DACH2: variants seen among roughly 807,000 people sequenced by gnomAD.
DACH2 encodes the protein dachshund homolog 2.
DACH2 carries 17 observed loss-of-function variants against 35.8 expected under a neutral mutation model. That is an observed-to-expected ratio of 0.48 (90% CI 0.33 to 0.71). The LOEUF (loss-of-function observed/expected upper bound fraction) is 0.71, where lower values mean the gene tolerates loss of function less well. Among genes scored for constraint, DACH2 ranks in the 30% least tolerant of loss-of-function variants. The pLI is 0.02. For missense variants in DACH2, 469 were observed against 472.7 expected, an observed-to-expected ratio of 0.99 and a Z score of 0.07; for synonymous variants, 195 against 177.3, an observed-to-expected ratio of 1.10 and a Z score of -0.79.
intron 7 of DACH2, among the ~76,000 whole-genome samples, chrX:86,740,510 C>G (rs1284662047): frequency 6.7e-5 from 5 of 75,030 alleles, no homozygotes; most frequent in Non-Finnish European, 7.5e-5. Context: ...CCCCTCCCCC[C>G]ACCCCACAAC....
At chrX:86,776,351 C>A (rs1424215548) in intron 7 of DACH2, among the ~76,000 whole-genome samples, 1 of 111,492 alleles carries the variant, frequency 9.0e-6, no homozygotes. Context: ...CCAATCTCAT[C>A]TGAAGCTAAT....
chrX:86,190,019 C>T (rs1037420151), intron 1 of DACH2, among the ~76,000 whole-genome samples: 2 of 109,527 alleles, frequency 1.8e-5, no homozygotes, highest in Non-Finnish European at 3.8e-5. Flanking sequence ...CAAAAATTAG[C>T]CAGGCGTGGT....
chrX:86,312,127 C>T (rs756336329), intron 1 of DACH2, among the ~76,000 whole-genome samples: 1 of 112,017 alleles, frequency 8.9e-6, no homozygotes, highest in African/African-American at 3.2e-5. Context: ...AATTATGTAC[C>T]GGCTGCAGAA....
At chrX:86,632,289 T>A (rs2040210316) in intron 3 of DACH2, among the ~76,000 whole-genome samples, 1 of 111,324 alleles carries the variant, frequency 9.0e-6, no homozygotes, top group Admixed American at 9.6e-5. Flanking sequence ...TGTGTGGACT[T>A]TATAACTCTA....
chrX:86,418,847 C>G (rs1413675246), intron 2 of DACH2, among the ~76,000 whole-genome samples: 1 of 111,905 alleles, frequency 8.9e-6, no homozygotes, highest in East Asian at 2.8e-4. Flanking sequence ...CTTCTGTGCT[C>G]TGCTTCCCTT....
chrX:86,506,087 T>C (rs1297200996), intron 2 of DACH2, among the ~76,000 whole-genome samples: 1 of 111,909 alleles, frequency 8.9e-6, no homozygotes, highest in Non-Finnish European at 1.9e-5. Context: ...CTTGCAGTTC[T>C]GTATGTTAGA....
chrX:86,411,020 T>TTATATATATATCTATATATATATATA (rs2036602566), intron 2 of DACH2, among the ~76,000 whole-genome samples: 1 of 40,528 alleles, frequency 2.5e-5, no homozygotes, highest in African/African-American at 9.3e-5. Flanking sequence ...ACTAATATGA[T>TTATATATATATCTATATATATATATA]TATATATATA....
At chrX:86,394,657 T>A (rs1453214737) in intron 2 of DACH2, among the ~76,000 whole-genome samples, 1 of 111,969 alleles carries the variant, frequency 8.9e-6, no homozygotes, top group East Asian at 2.8e-4. Context: ...ACTGGGATAT[T>A]AAACAATCTT....
At chrX:86,321,750 A>G (rs1200728868) in intron 1 of DACH2, among the ~76,000 whole-genome samples, 4 of 112,352 alleles carry the variant, frequency 3.6e-5, no homozygotes, top group Non-Finnish European at 1.9e-5. Context: ...GGTTTGGCCT[A>G]GAAGCAACAT....
intron 3 of DACH2, among the ~76,000 whole-genome samples, chrX:86,583,432 G>A (rs1248697807): frequency 9.0e-6 from 1 of 111,010 alleles, no homozygotes; most frequent in African/African-American, 3.3e-5. Flanking sequence ...TATCTCTGTT[G>A]GCAGATATGA....
intron 1 of DACH2, among the ~76,000 whole-genome samples, chrX:86,211,219 T>C (rs1053895107): frequency 9.0e-6 from 1 of 111,697 alleles, no homozygotes; most frequent in East Asian, 2.8e-4. Flanking sequence ...TTGAGATACA[T>C]TGTTGGGGTG....
chrX:86,435,761 T>C (rs944196719), intron 2 of DACH2, among the ~76,000 whole-genome samples: 2 of 111,923 alleles, frequency 1.8e-5, no homozygotes, highest in Non-Finnish European at 3.8e-5. Flanking sequence ...ATTTTACTCA[T>C]AGAAAGCTGG....
At chrX:86,817,416 T>C (rs2042464753) in intron 11 of DACH2, among the ~76,000 whole-genome samples, 1 of 111,241 alleles carries the variant, frequency 9.0e-6, no homozygotes, top group African/African-American at 3.3e-5. Context: ...ATATACCAGC[T>C]CCATGGTAGA....
At chrX:86,452,249 T>G (rs1248895202) in intron 2 of DACH2, among the ~76,000 whole-genome samples, 3 of 112,049 alleles carry the variant, frequency 2.7e-5, no homozygotes, top group Admixed American at 9.5e-5. Flanking sequence ...TAAGAATTTT[T>G]GCATCAATGT....
intron 6 of DACH2, among the ~76,000 whole-genome samples, chrX:86,716,577 T>C (rs1450833567): frequency 9.0e-6 from 1 of 111,592 alleles, no homozygotes; most frequent in African/African-American, 3.3e-5. Flanking sequence ...GGTATTGTTA[T>C]ACTGGCTTTG....
intron 1 of DACH2, among the ~76,000 whole-genome samples, chrX:86,230,104 T>G (rs757071126): frequency 9.0e-6 from 1 of 111,148 alleles, no homozygotes; most frequent in African/African-American, 3.3e-5. Context: ...GGGTTTGTCT[T>G]AGATAGCTTT....
intron 2 of DACH2, among the ~76,000 whole-genome samples, chrX:86,410,010 T>A (rs1177006531): frequency 1.8e-5 from 2 of 111,922 alleles, no homozygotes; most frequent in Non-Finnish European, 3.8e-5. Flanking sequence ...ATGGGATGTG[T>A]TGGAGAGGTA....
At chrX:86,191,358 A>T (rs1025942919) in intron 1 of DACH2, among the ~76,000 whole-genome samples, 1 of 111,776 alleles carries the variant, frequency 8.9e-6, no homozygotes, top group Non-Finnish European at 1.9e-5. Flanking sequence ...CCATTAATCT[A>T]TTAGAACTAA....
intron 7 of DACH2, among the ~76,000 whole-genome samples, chrX:86,803,780 T>C (rs923280049): frequency 9.0e-6 from 1 of 110,583 alleles, no homozygotes; most frequent in Non-Finnish European, 1.9e-5. Flanking sequence ...TAAATAATTA[T>C]ATTATATTGT....
Sources: gnomAD v4.1 joint callset for allele counts (sites outside exome capture counted in the v4.1 genomes callset) on GRCh38, gnomAD v4.1.1 for gene constraint, MANE v1.5 for transcripts, NCBI Gene and HGNC (gene_info 2026-07-23, HGNC 2026-07-21) for gene names.